The following RTN4RL1 variants were observed in gnomAD, a reference collection of about 807,000 sequenced individuals.
The protein encoded by RTN4RL1 is reticulon-4 receptor-like 1.
RTN4RL1 carries 7 observed loss-of-function variants against 25.6 expected under a neutral mutation model. The ratio of observed to expected loss-of-function variants is 0.27; its 90% CI spans 0.16 to 0.51. RTN4RL1 has a LOEUF of 0.51. Ranked by LOEUF, RTN4RL1 falls within the 20% of genes least tolerant of loss-of-function variation. RTN4RL1 has a pLI of 0.97. For synonymous variants in RTN4RL1, 297 were observed against 288.2 expected (o/e 1.03, Z -0.31); for missense variants, 500 against 615.6 (o/e 0.81, Z 1.99).
chr17:1,944,726 G>A (rs1197859795), intron 1 of RTN4RL1, among the ~76,000 whole-genome samples: 1 of 152,120 alleles, frequency 6.6e-6, no homozygotes, highest in African/African-American at 2.4e-5. Context: ...CAAAGTGCTG[G>A]GATTACAGGC....
intron 1 of RTN4RL1, among the ~76,000 whole-genome samples, chr17:1,944,112 A>G (rs1243944500): frequency 3.3e-5 from 5 of 152,010 alleles, no homozygotes; most frequent in African/African-American, 1.2e-4. Context: ...TTTTGTAGCA[A>G]TAGGATCTCA....
Position 1,936,115 on chromosome 17 carries a change from C to T in RTN4RL1, c.*381G>A. 1 of 1,035,560 alleles carries T rather than the reference C, an allele frequency of 9.7e-7. No individual in the cohort carries two copies. The highest frequency in any genetic ancestry group is 1.2e-6 in the Non-Finnish European group (1 of 862,148). The allele number at this position is 1,035,560 out of a possible 1,614,324, so 64.1% of individuals were successfully genotyped here. A position where few individuals can be genotyped will look rare whatever the true frequency, so the allele number is the denominator to read the frequency against. On this transcript the variant is annotated 3_prime_UTR_variant, in exon 2 of 2. Transcript: ENST00000331238. ...TCTGCGTCCTGCTTTCTCCAGGAACCACGGGGCCCTCCAGACCTCTCGGAA... is the reference window on the plus strand; with the variant it reads ...TCTGCGTCCTGCTTTCTCCAGGAACTACGGGGCCCTCCAGACCTCTCGGAA...
At chr17:1,993,033 A>G (rs1485795425) in intron 1 of RTN4RL1, among the ~76,000 whole-genome samples, 1 of 152,146 alleles carries the variant, frequency 6.6e-6, no homozygotes, top group Non-Finnish European at 1.5e-5. Context: ...GCCTGAGGTC[A>G]GCAGTTCGAG....
Position 1,937,438 on chromosome 17 carries a change from G to T in RTN4RL1, c.384C>A (p.His128Gln). ...PETFQGLVKL[H>Q]ALYLYKCGLS... ...GCCCACACTTGTAGAGGTAGAGGGC[G>T]TGAAGCTTCACCAGGCCCTGGAAGG... Residue 128 changes from histidine (H) to glutamine (Q), a missense_variant, in exon 2 of 2, where the codon CAC becomes CAA. This residue lies in a region of RTN4RL1 where 232 missense variants were observed against 341.1 expected (regional missense o/e 0.68). Transcript: ENST00000331238. The T allele has an allele frequency of 1.2e-6, 2 of 1,613,940 alleles. No homozygotes were observed. Among genetic ancestry groups the T allele is most frequent in the Non-Finnish European group, 1.7e-6 (2 of 1,179,900 alleles).
Position 1,937,033 on chromosome 17 carries a change from C to A in RTN4RL1, c.789G>T (p.Ala263=). Residue 263 remains alanine (A), a synonymous_variant, in exon 2 of 2, where the codon GCG becomes GCT. Transcript: ENST00000331238. ...TCTGCAGCCATTCCCACAGGGAGCG[C>A]GCGCGACAACCACAGTCCCAGGGGT... The part of the protein sequence containing the change: ...NGNPWDCGCR[A]RSLWEWLQRF... The A allele has an allele frequency of 6.2e-7, 1 of 1,604,032 alleles. No individual in the cohort carries two copies. The highest frequency in any genetic ancestry group is 8.5e-7 in the Non-Finnish European group (1 of 1,177,830).
intron 1 of RTN4RL1, among the ~76,000 whole-genome samples, chr17:2,008,578 A>G (rs913318741): frequency 2.0e-5 from 3 of 151,958 alleles, no homozygotes; most frequent in East Asian, 1.9e-4. Flanking sequence ...CTCCCTGGGT[A>G]TGCATTTGGG....
intron 1 of RTN4RL1, among the ~76,000 whole-genome samples, chr17:1,976,331 T>C (rs909942039): frequency 9.9e-5 from 15 of 152,246 alleles, no homozygotes; most frequent in African/African-American, 3.1e-4. Context: ...TGTCGGCCCA[T>C]GGCCTGGTCT....
In RTN4RL1 at chr17:1,936,159, G is replaced by T; in HGVS notation, c.*337C>A. On this transcript the variant is annotated 3_prime_UTR_variant, in exon 2 of 2. Coordinates refer to ENST00000331238, the MANE Select transcript of RTN4RL1 (RefSeq NM_178568.4). ...CTCGGAACGATCGGGATTCCACAGA[G>T]CCCCGGTGCCGCCGTCGGGGGCAAT... is the stretch of plus-strand genomic sequence containing the variant. 8.9e-7 allele frequency: 1 copy of T among 1,122,680 alleles called. No homozygotes were observed. Among genetic ancestry groups the T allele is most frequent in the African/African-American group, 1.6e-5 (1 of 61,138 alleles). 69.5% of individuals were successfully genotyped at this position (1,122,680 alleles called of 1,614,324 possible). A position where few individuals can be genotyped will look rare whatever the true frequency, so the allele number is the denominator to read the frequency against.
intron 1 of RTN4RL1, among the ~76,000 whole-genome samples, chr17:1,951,233 C>T (rs1250956913): frequency 6.6e-6 from 1 of 151,724 alleles, no homozygotes; most frequent in Non-Finnish European, 1.5e-5. Flanking sequence ...CCACTGCACT[C>T]CAGCCTGGGC....
Position 1,935,742 on chromosome 17 carries a change from TATATATATATATGTAGAGTGTGA to T in RTN4RL1, c.*731_*753del. ...ATATATATATATATATATATATATA[TATATATATATATGTAGAGTGTGA>T]ATATATATAAGTGGACGTAGTTAGT... On this transcript the variant is annotated 3_prime_UTR_variant, in exon 2 of 2. Transcript: ENST00000331238. The T allele has an allele frequency of 3.8e-6, 1 of 259,806 alleles. No individual in the cohort carries two copies. Among genetic ancestry groups the T allele is most frequent in the Non-Finnish European group, 5.7e-6 (1 of 174,112 alleles). 16.1% of individuals were successfully genotyped at this position (259,806 alleles called of 1,614,324 possible).
intron 1 of RTN4RL1, among the ~76,000 whole-genome samples, chr17:1,946,068 G>A (rs1915532588): frequency 6.6e-6 from 1 of 152,144 alleles, no homozygotes; most frequent in Non-Finnish European, 1.5e-5. Context: ...ACGGTGAGGA[G>A]AGCTCTGGGA....
chr17:1,984,723 T>C (rs2066880768), intron 1 of RTN4RL1, among the ~76,000 whole-genome samples: 1 of 152,194 alleles, frequency 6.6e-6, no homozygotes, highest in Admixed American at 6.5e-5. Context: ...TCCCAGCACT[T>C]CGGGAGACCG....
intron 1 of RTN4RL1, among the ~76,000 whole-genome samples, chr17:2,008,194 G>A (rs965214744): frequency 3.4e-4 from 52 of 151,668 alleles, no homozygotes; most frequent in African/African-American, 1.1e-3. Context: ...ACTTGAACCC[G>A]GGAGGCAGAG....
intron 1 of RTN4RL1, among the ~76,000 whole-genome samples, chr17:1,939,895 C>A (rs3923783): frequency 0.16 from 23,972 of 152,200 alleles, 2,051 homozygotes; most frequent in Non-Finnish European, 0.18. Context: ...AGCCCCTTTG[C>A]TTCTAGCTTT....
At position 2,002,383 on chromosome 17, in the gene RTN4RL1, C is replaced by T. The variant is rs1017825474; in HGVS notation, c.13+22470G>A. ...TCTCGGCTCACTGCAAGCTCCGCCT[C>T]CCGGGTTCACGCCATTCTCCTGCCT... On this transcript the variant is annotated intron_variant, in intron 1 of 1. Coordinates refer to ENST00000331238, the MANE Select transcript of RTN4RL1 (RefSeq NM_178568.4). Among the ~76,000 whole-genome samples, 39 of 151,136 alleles carry T rather than the reference C, an allele frequency of 2.6e-4. 1 individual carries two copies. Among genetic ancestry groups the T allele is most frequent in the Non-Finnish European group, 5.3e-4 (36 of 67,798 alleles).
intron 1 of RTN4RL1, among the ~76,000 whole-genome samples, chr17:1,993,312 G>A (rs2066917528): frequency 6.6e-6 from 1 of 152,160 alleles, no homozygotes; most frequent in African/African-American, 2.4e-5. Context: ...TGTCAGAACT[G>A]ACACACCCAA....
chr17:1,967,553 T>C (rs1290648524), intron 1 of RTN4RL1, among the ~76,000 whole-genome samples: 2 of 148,942 alleles, frequency 1.3e-5, no homozygotes, highest in African/African-American at 4.9e-5. Context: ...CCTCTCCCTC[T>C]TCGAGCCCTA....
At chr17:1,986,950 C>T (rs951335314) in intron 1 of RTN4RL1, among the ~76,000 whole-genome samples, 1 of 151,536 alleles carries the variant, frequency 6.6e-6, no homozygotes, top group Non-Finnish European at 1.5e-5. Context: ...CTCTAAGCCG[C>T]AGCTTCCTTA....
intron 1 of RTN4RL1, among the ~76,000 whole-genome samples, chr17:1,968,995 C>G (rs1479682281): frequency 6.6e-6 from 1 of 151,756 alleles, no homozygotes; most frequent in African/African-American, 2.4e-5. Context: ...TCTATAGCAA[C>G]CAGCCCAGGA....
Sources: gnomAD v4.1 joint callset for allele counts (sites outside exome capture counted in the v4.1 genomes callset) on GRCh38, gnomAD v4.1.1 for gene constraint, gnomAD v4.1.1 regional missense constraint, MANE v1.5 for transcripts, NCBI Gene and HGNC (gene_info 2026-07-23, HGNC 2026-07-21) for gene names.